Variants in RALYL observed in about 807,000 individuals in gnomAD.
RALYL encodes the protein RALY RNA binding protein like, also known as RNA-binding Raly-like protein.
A neutral mutation model predicts 35.1 loss-of-function variants in RALYL; 29 were observed. The observed-to-expected ratio is 0.83, with a 90% confidence interval of 0.61 to 1.13. RALYL has a LOEUF of 1.13. RALYL is among the 50% of genes most tolerant of loss of function. The pLI, the probability that RALYL is intolerant of heterozygous loss-of-function variation, is 0.00. For missense variants in RALYL, 359 were observed against 360.4 expected, an observed-to-expected ratio of 1.00 and a Z score of 0.03; for synonymous variants, 120 against 127.6, an observed-to-expected ratio of 0.94 and a Z score of 0.40.
chr8:84,722,423 G>T (rs1844102232), intron 2 of RALYL, among the ~76,000 whole-genome samples: 1 of 151,534 alleles, frequency 6.6e-6, no homozygotes, highest in Non-Finnish European at 1.5e-5. Context: ...AAGGTCATAG[G>T]GTTGAGCTGT....
intron 4 of RALYL, among the ~76,000 whole-genome samples, chr8:84,805,117 A>G (rs1397345166): frequency 6.6e-6 from 1 of 152,176 alleles, no homozygotes; most frequent in Admixed American, 6.6e-5. Flanking sequence ...CCTCTGAGCC[A>G]TAGCTCCACC....
chr8:84,635,318 C>T (rs1313633440), intron 2 of RALYL, among the ~76,000 whole-genome samples: 2 of 150,982 alleles, frequency 1.3e-5, no homozygotes, highest in Non-Finnish European at 3.0e-5. Flanking sequence ...TTGTTTAGAA[C>T]ACCTGCCATA....
intron 2 of RALYL, among the ~76,000 whole-genome samples, chr8:84,635,982 T>G (rs1266022520): frequency 6.6e-6 from 1 of 151,838 alleles, no homozygotes; most frequent in Non-Finnish European, 1.5e-5. Context: ...AATGTGAGAC[T>G]GTCAGACACC....
intron 1 of RALYL, among the ~76,000 whole-genome samples, chr8:84,230,881 A>G (rs771610297): frequency 6.6e-6 from 1 of 152,226 alleles, no homozygotes; most frequent in Non-Finnish European, 1.5e-5. Context: ...CGCAGTTGGT[A>G]CTTAGGCCTA....
chr8:84,466,627 G>T (rs1453551125), intron 1 of RALYL, among the ~76,000 whole-genome samples: 1 of 150,436 alleles, frequency 6.6e-6, no homozygotes, highest in Non-Finnish European at 1.5e-5. Context: ...GTCTCTGCCT[G>T]GCTTTGGTAT....
intron 2 of RALYL, among the ~76,000 whole-genome samples, chr8:84,720,508 G>A (rs1245657672): frequency 6.6e-6 from 1 of 152,044 alleles, no homozygotes; most frequent in Non-Finnish European, 1.5e-5. Context: ...AACTCAAAAT[G>A]TATTAAAGAC....
intron 1 of RALYL, among the ~76,000 whole-genome samples, chr8:84,368,595 T>G (rs1202943865): frequency 6.6e-6 from 1 of 152,014 alleles, no homozygotes; most frequent in Non-Finnish European, 1.5e-5. Flanking sequence ...TGGTGGAAGG[T>G]GAAAGGCACG....
intron 2 of RALYL, among the ~76,000 whole-genome samples, chr8:84,646,197 C>A (rs940363313): frequency 1.3e-5 from 2 of 151,552 alleles, no homozygotes; most frequent in African/African-American, 4.8e-5. Context: ...ATAAAAATGT[C>A]ATTTACATTA....
chr8:84,464,739 T>C lies in RALYL; in HGVS notation c.-23-64560T>C, dbSNP rs957153584. Among the ~76,000 whole-genome samples the C allele has an allele frequency of 1.9e-3, 290 of 151,976 alleles. 1 individual carries two copies. Among genetic ancestry groups the C allele is most frequent in the Non-Finnish European group, 3.4e-3 (232 of 67,958 alleles). ...ACACTGACTTCCACAATGGTTGAAC[T>C]AGTTTACAGTCCCACCAACAGTGTA... On this transcript the variant is annotated intron_variant, in intron 1 of 8. Transcript: ENST00000521268.
At chr8:84,913,035 GGTAGGTAGA>G (rs1847809278) in intron 8 of RALYL, among the ~76,000 whole-genome samples, 5 of 60,802 alleles carry the variant, frequency 8.2e-5, no homozygotes, top group South Asian at 6.3e-4. Context: ...TGGATGGATA[GGTAGGTAGA>G]TAGATAGATA....
At position 84,573,231 on chromosome 8, in the gene RALYL, T is replaced by C. The variant is rs1564169011; in HGVS notation, c.256+43654T>C. Among the ~76,000 whole-genome samples, 3 of 151,784 alleles carry C rather than the reference T, an allele frequency of 2.0e-5. No homozygotes were observed. The Middle Eastern group carries it at 0.01, about 516-fold the overall frequency. ...TCCTTTATGTAAATGGAAATTTCCTTCTAGGGTTCTTTTCTTTCCATCTGA... is the reference window on the plus strand; with the variant it reads ...TCCTTTATGTAAATGGAAATTTCCTCCTAGGGTTCTTTTCTTTCCATCTGA... On this transcript the variant is annotated intron_variant, in intron 2 of 8. Transcript: ENST00000521268.
intron 8 of RALYL, among the ~76,000 whole-genome samples, chr8:84,900,869 CTA>C (rs1189627071): frequency 6.6e-6 from 1 of 152,028 alleles, no homozygotes; most frequent in Non-Finnish European, 1.5e-5. Flanking sequence ...GAAATCAAGA[CTA>C]TTGTAGTAAG....
intron 1 of RALYL, among the ~76,000 whole-genome samples, chr8:84,218,485 A>G (rs947351544): frequency 1.3e-5 from 2 of 152,090 alleles, no homozygotes; most frequent in African/African-American, 4.8e-5. Flanking sequence ...AAATGTGATA[A>G]ATATGTCCTT....
intron 4 of RALYL, among the ~76,000 whole-genome samples, chr8:84,814,975 G>T (rs16913352): frequency 0.018 from 2,791 of 152,288 alleles, 97 homozygotes; most frequent in African/African-American, 0.063. Context: ...TGGGGCCTGG[G>T]AGCCATCATC....
chr8:84,504,734 C>T (rs1044795940), intron 1 of RALYL, among the ~76,000 whole-genome samples: 1 of 151,982 alleles, frequency 6.6e-6, no homozygotes, highest in East Asian at 1.9e-4. Context: ...ATATGATGCT[C>T]CAGGGTTTTA....
intron 2 of RALYL, among the ~76,000 whole-genome samples, chr8:84,771,761 G>A (rs986155518): frequency 3.3e-5 from 5 of 151,832 alleles, no homozygotes; most frequent in African/African-American, 9.7e-5. Flanking sequence ...TGATATGCAT[G>A]AGTTTCCTAT....
At chr8:84,529,276 G>GT in intron 1 of RALYL, 23 bp from the exon 2 acceptor site, 1 of 1,542,328 alleles carries the variant, frequency 6.5e-7, no homozygotes, top group South Asian at 1.2e-5. Flanking sequence ...TATTTGTTTT[G>GT]TTTGTTTGTT....
chr8:84,358,541 A>G (rs1852322132), intron 1 of RALYL, among the ~76,000 whole-genome samples: 1 of 152,038 alleles, frequency 6.6e-6, no homozygotes, highest in East Asian at 1.9e-4. Context: ...GAGATTAGTG[A>G]ATGATGGATT....
intron 2 of RALYL, among the ~76,000 whole-genome samples, chr8:84,651,797 T>C (rs1274273505): frequency 1.3e-5 from 2 of 152,010 alleles, no homozygotes; most frequent in Non-Finnish European, 2.9e-5. Context: ...AAGTAGGTAA[T>C]GTATTGAGCC....
Sources: gnomAD v4.1 joint callset for allele counts (sites outside exome capture counted in the v4.1 genomes callset) on GRCh38, gnomAD v4.1.1 for gene constraint, MANE v1.5 for transcripts, NCBI Gene and HGNC (gene_info 2026-07-23, HGNC 2026-07-21) for gene names.